Variants in NDEL1 observed in about 807,000 individuals in gnomAD.
The protein encoded by NDEL1 is nuclear distribution protein nudE-like 1.
Under a neutral mutation model 45.7 loss-of-function variants are expected in NDEL1, and 9 were observed. That is an observed-to-expected ratio of 0.20 (90% CI 0.12 to 0.34). The LOEUF (loss-of-function observed/expected upper bound fraction) is 0.34, where lower values mean the gene tolerates loss of function less well. Among genes scored for constraint, NDEL1 ranks in the 10% least tolerant of loss-of-function variants. The pLI is 1.00. For synonymous variants in NDEL1, 133 were observed against 158.6 expected, an observed-to-expected ratio of 0.84 and a Z score of 1.21; for missense variants, 306 against 406.2, an observed-to-expected ratio of 0.75 and a Z score of 2.12.
intron 1 of NDEL1, among the ~76,000 whole-genome samples, chr17:8,430,277 A>G (rs749640299): frequency 1.1e-4 from 17 of 152,332 alleles, no homozygotes; most frequent in South Asian, 2.1e-4. Context: ...AGCTAGATCT[A>G]TACCCTTAGA....
chr17:8,462,767 G>A (rs1292483533), intron 8 of NDEL1: 2 of 152,352 alleles, frequency 1.3e-5, no homozygotes, highest in African/African-American at 2.4e-5. Flanking sequence ...AGAAACCTGC[G>A]GCAGGATTGT....
chr17:8,453,029 A>G (rs1910620635), intron 6 of NDEL1, among the ~76,000 whole-genome samples: 1 of 152,138 alleles, frequency 6.6e-6, no homozygotes, highest in South Asian at 2.1e-4. Flanking sequence ...ATGAGCCACC[A>G]TGCCCAGCCT....
chr17:8,415,401 T>A (rs967951409), intron 1 of NDEL1, among the ~76,000 whole-genome samples: 1 of 148,874 alleles, frequency 6.7e-6, no homozygotes, highest in African/African-American at 2.5e-5. Flanking sequence ...ATATGTATAC[T>A]TTTTTTTGCC....
At chr17:8,428,343 TGTGTGTGTGTGTGTGTG>T (rs1232109102) in intron 1 of NDEL1, among the ~76,000 whole-genome samples, 2 of 134,912 alleles carry the variant, frequency 1.5e-5, no homozygotes, top group African/African-American at 5.6e-5. Flanking sequence ...TGTGTGTGTG[TGTGTGTGTGTGTGTGTG>T]TATTTTTTTT....
chr17:8,420,325 A>G (rs1446674463), intron 1 of NDEL1, among the ~76,000 whole-genome samples: 1 of 152,206 alleles, frequency 6.6e-6, no homozygotes, highest in South Asian at 2.1e-4. Flanking sequence ...TGCCCCCCCA[A>G]AATAAAAAAT....
chr17:8,452,826 G>A (rs899625301), intron 6 of NDEL1, among the ~76,000 whole-genome samples: 9 of 129,992 alleles, frequency 6.9e-5, no homozygotes, highest in South Asian at 2.4e-4. Flanking sequence ...TGCAACTTCC[G>A]CCTCCTGGGT....
At chr17:8,437,793 G>A (rs754005558) in intron 1 of NDEL1, among the ~76,000 whole-genome samples, 1 of 152,026 alleles carries the variant, frequency 6.6e-6, no homozygotes, top group African/African-American at 2.4e-5. Flanking sequence ...TAAATAAAAG[G>A]CATTTTGGAC....
chr17:8,446,601 A>G (rs1044144627), intron 3 of NDEL1, among the ~76,000 whole-genome samples, 153 bp from the exon 4 acceptor site: 2 of 152,356 alleles, frequency 1.3e-5, no homozygotes, highest in Middle Eastern at 3.4e-3. Flanking sequence ...AGGCACTTAG[A>G]ATGAATGTGT....
chr17:8,421,560 C>T (rs188261888), intron 1 of NDEL1, among the ~76,000 whole-genome samples: 8 of 152,278 alleles, frequency 5.3e-5, no homozygotes, highest in East Asian at 1.9e-4. Context: ...GAGGAACCAA[C>T]GCTGCCCGAC....
chr17:8,427,987 T>A (rs1446983052), intron 1 of NDEL1, among the ~76,000 whole-genome samples: 2 of 152,186 alleles, frequency 1.3e-5, no homozygotes, highest in African/African-American at 4.8e-5. Context: ...CCTTGACAAC[T>A]TTACGGAGGA....
At chr17:8,418,383 A>G (rs918303060) in intron 1 of NDEL1, among the ~76,000 whole-genome samples, 4 of 152,196 alleles carry the variant, frequency 2.6e-5, no homozygotes, top group African/African-American at 7.2e-5. Flanking sequence ...AACATTGGGT[A>G]TTACCATTTG....
chr17:8,426,408 C>T (rs79166848), intron 1 of NDEL1, among the ~76,000 whole-genome samples: 4,053 of 152,184 alleles, frequency 0.027, 153 homozygotes, highest in African/African-American at 0.075. Flanking sequence ...GTAAACCTGG[C>T]GCCACCTTGT....
At chr17:8,438,256 C>A (rs940707562) in intron 1 of NDEL1, among the ~76,000 whole-genome samples, 3 of 152,178 alleles carry the variant, frequency 2.0e-5, no homozygotes, top group Non-Finnish European at 4.4e-5. Context: ...CGTGCCCTGC[C>A]AATAATACAT....
chr17:8,456,185 G>C (rs1391766), intron 7 of NDEL1, among the ~76,000 whole-genome samples: 60,956 of 151,958 alleles, frequency 0.4, 12,231 homozygotes, highest in South Asian at 0.45. Flanking sequence ...GCCTGTTTCA[G>C]CTCATCATAG....
intron 4 of NDEL1, among the ~76,000 whole-genome samples, chr17:8,448,243 A>C (rs1910222972): frequency 6.6e-6 from 1 of 152,220 alleles, no homozygotes; most frequent in Non-Finnish European, 1.5e-5. Context: ...TTTCTTTCTG[A>C]AAATGTGTAA....
At chr17:8,426,955 C>T (rs1167014332) in intron 1 of NDEL1, among the ~76,000 whole-genome samples, 1 of 152,226 alleles carries the variant, frequency 6.6e-6, no homozygotes, top group Non-Finnish European at 1.5e-5. Flanking sequence ...CTAAAAGCCA[C>T]CTTCCAGCAG....
At chr17:8,470,845 C>T (rs1340302304), downstream of NDEL1, among the ~76,000 whole-genome samples, 5 of 152,206 alleles carry the variant, frequency 3.3e-5, no homozygotes, top group South Asian at 6.2e-4. The surrounding 1 kb of genome is among the most constrained non-coding windows in gnomAD (Gnocchi z 4.2). Flanking sequence ...AATCGGTTCA[C>T]GTAGCCTTCC....
chr17:8,467,542 CT>C lies in NDEL1; in HGVS notation c.*520del. 1 of 275,988 alleles carries C rather than the reference CT, an allele frequency of 3.6e-6. No individual in the cohort carries two copies. Among genetic ancestry groups the C allele is most frequent in the Non-Finnish European group, 6.7e-6 (1 of 148,354 alleles). The allele number at this position is 275,988 out of a possible 1,614,324, so 17.1% of individuals were successfully genotyped here. On this transcript the variant is annotated 3_prime_UTR_variant, in exon 9 of 9. Coordinates refer to ENST00000334527, the MANE Select transcript of NDEL1 (RefSeq NM_030808.5). The surrounding 1 kb of genome is among the most constrained non-coding windows in gnomAD (Gnocchi z 6.3). Reference sequence around the variant, plus strand: ...TTCTGGCAAAGAGTCAGGAAGGTTACTGAATTAGGGAACATTTTCTGCACCT... The same window carrying C: ...TTCTGGCAAAGAGTCAGGAAGGTTACGAATTAGGGAACATTTTCTGCACCT...
At chr17:8,425,899 C>T (rs942013135) in intron 1 of NDEL1, among the ~76,000 whole-genome samples, 2 of 152,088 alleles carry the variant, frequency 1.3e-5, no homozygotes, top group African/African-American at 4.8e-5. Flanking sequence ...TCCAGCCATC[C>T]TCCCACCTCA....
Sources: allele counts gnomAD v4.1 joint callset (sites outside exome capture counted in the v4.1 genomes callset), GRCh38; gene constraint gnomAD v4.1.1; non-coding constraint Gnocchi (gnomAD v3.1); transcripts MANE v1.5; gene names NCBI Gene and HGNC (gene_info 2026-07-23, HGNC 2026-07-21).